CGRRF1: variants seen among roughly 807,000 people sequenced by gnomAD.
CGRRF1 encodes cell growth regulator with ring finger domain 1, also known as cell growth regulator with RING finger domain protein 1.
Under a neutral mutation model 37.2 loss-of-function variants are expected in CGRRF1, and 32 were observed. That is an observed-to-expected ratio of 0.86 (90% confidence interval 0.65 to 1.16). The LOEUF is 1.16. Among genes scored for constraint, CGRRF1 ranks in the 50% most tolerant of loss-of-function variants. The probability of loss-of-function intolerance (pLI) is 0.00; values close to 1 mark genes in which losing one functional copy is unlikely to be tolerated. For missense variants in CGRRF1, 391 were observed against 382.6 expected, an observed-to-expected ratio of 1.02 and a Z score of -0.18; for synonymous variants, 141 against 140.3, an observed-to-expected ratio of 1.00 and a Z score of -0.04.
chr14:54,533,069 G>A (rs1267458753), intron 4 of CGRRF1, among the ~76,000 whole-genome samples: 1 of 151,042 alleles, frequency 6.6e-6, no homozygotes, highest in Non-Finnish European at 1.5e-5. Flanking sequence ...TCCCTTCACT[G>A]ATAGTGCTCT....
At position 54,538,534 on chromosome 14, in the gene CGRRF1, T is replaced by G. The variant is rs1344288984; in HGVS notation, c.*151T>G. The G allele has an allele frequency of 1.9e-6, 1 of 527,544 alleles. No individual in the cohort carries two copies. The highest frequency in any genetic ancestry group is 3.2e-6 in the Non-Finnish European group (1 of 309,934). The allele number at this position is 527,544 out of a possible 1,614,324, so 32.7% of individuals were successfully genotyped here. A position where few individuals can be genotyped will look rare whatever the true frequency, so the allele number is the denominator to read the frequency against. On this transcript the variant is annotated 3_prime_UTR_variant, in exon 6 of 6. Transcript: ENST00000216420. Reference sequence around the variant, plus strand: ...TGTATGGTACTTGGATGATAAAAATTAATTATTCCTTTCTGCTTAGTGAAT... The same window carrying G: ...TGTATGGTACTTGGATGATAAAAATGAATTATTCCTTTCTGCTTAGTGAAT...
intron 2 of CGRRF1, among the ~76,000 whole-genome samples, chr14:54,523,861 T>C (rs1029068784): frequency 2.6e-5 from 4 of 152,240 alleles, no homozygotes; most frequent in African/African-American, 9.6e-5. Flanking sequence ...TGTAGCTTTT[T>C]TTCTGGGCCG....
intron 1 of CGRRF1, among the ~76,000 whole-genome samples, chr14:54,515,146 TG>T (rs2032194537): frequency 6.7e-6 from 1 of 148,244 alleles, no homozygotes; most frequent in Non-Finnish European, 1.5e-5. Flanking sequence ...TGGAGTGCAG[TG>T]GTATGATCTC....
intron 4 of CGRRF1, among the ~76,000 whole-genome samples, chr14:54,533,515 G>A (rs1485993420): frequency 6.6e-6 from 1 of 151,920 alleles, no homozygotes; most frequent in Non-Finnish European, 1.5e-5. Flanking sequence ...ATTTATTAGT[G>A]TATTTTGTAT....
intron 2 of CGRRF1, among the ~76,000 whole-genome samples, chr14:54,523,882 C>T (rs1229407714): frequency 6.6e-6 from 1 of 152,152 alleles, no homozygotes. Context: ...AGACCCTGTC[C>T]CTTCTATACT....
At chr14:54,527,429 TGTGCACA>T (rs1346096770) in intron 2 of CGRRF1, among the ~76,000 whole-genome samples, 1 of 152,120 alleles carries the variant, frequency 6.6e-6, no homozygotes, top group African/African-American at 2.4e-5. Context: ...ACCTGCACAT[TGTGCACA>T]TGTACCCTAA....
chr14:54,510,549 A>G (rs2032112759), intron 1 of CGRRF1, among the ~76,000 whole-genome samples: 1 of 152,188 alleles, frequency 6.6e-6, no homozygotes, highest in Non-Finnish European at 1.5e-5. Flanking sequence ...GTAACTTGTA[A>G]CTGAACTGTT....
intron 2 of CGRRF1, among the ~76,000 whole-genome samples, chr14:54,524,187 T>A (rs1327856763): frequency 6.6e-6 from 1 of 152,108 alleles, no homozygotes; most frequent in African/African-American, 2.4e-5. Context: ...CAGGGCTGAG[T>A]TAATGCTCTC....
chr14:54,513,607 TTA>T (rs1566506175), intron 1 of CGRRF1, among the ~76,000 whole-genome samples: 2 of 151,168 alleles, frequency 1.3e-5, no homozygotes, highest in Non-Finnish European at 2.9e-5. Flanking sequence ...TTATGTTATG[TTA>T]TGTTATGTAA....
intron 1 of CGRRF1, among the ~76,000 whole-genome samples, chr14:54,519,677 T>G (rs1566508017): frequency 6.6e-6 from 1 of 152,244 alleles, no homozygotes; most frequent in Non-Finnish European, 1.5e-5. Context: ...GTCTCCTTAG[T>G]ACATGAAGGC....
At chr14:54,534,603 A>G (rs1361699797) in intron 4 of CGRRF1, among the ~76,000 whole-genome samples, 1 of 152,204 alleles carries the variant, frequency 6.6e-6, no homozygotes, top group Admixed American at 6.5e-5. Flanking sequence ...ATAATTTCAA[A>G]AAGTTGCAAA....
Position 54,538,143 on chromosome 14 carries a change from G to A in CGRRF1, c.759G>A (p.Leu253=), listed in dbSNP as rs371708922. The change falls in exon 6 of 6, where the codon TTG becomes TTA. Residue 253 remains leucine, a synonymous_variant. Transcript: ENST00000216420. ...AAGAAAAAAACACAGACAGAAGTTT[G>A]TTGGAAAAGGTGGGACTCTCTGAAA... The part of the protein sequence containing the change: ...SSEEKNTDRS[L]LEKVGLSESE... The A allele has an allele frequency of 6.1e-5, 99 of 1,614,136 alleles. No homozygotes were observed. In the African/African-American group the frequency reaches 1.1e-3, roughly 18 times the overall value.
intron 2 of CGRRF1, among the ~76,000 whole-genome samples, chr14:54,528,971 T>C (rs1468006789): frequency 6.6e-6 from 1 of 152,178 alleles, no homozygotes; most frequent in East Asian, 1.9e-4. Flanking sequence ...TAACATATAC[T>C]CTTGATCACA....
chr14:54,529,928 G>A, intron 2 of CGRRF1, 121 bp from the exon 3 acceptor site: 1 of 697,494 alleles, frequency 1.4e-6, no homozygotes. Context: ...CCTTTAACAA[G>A]TTCTTTTAAC....
chr14:54,512,288 A>G (rs1050698426), intron 1 of CGRRF1, among the ~76,000 whole-genome samples: 2 of 152,248 alleles, frequency 1.3e-5, no homozygotes, highest in Non-Finnish European at 2.9e-5. Flanking sequence ...GAGAAAAAAC[A>G]GGAGCATATG....
intron 4 of CGRRF1, among the ~76,000 whole-genome samples, chr14:54,533,239 A>G (rs920007693): frequency 2.6e-5 from 4 of 152,150 alleles, no homozygotes; most frequent in African/African-American, 9.7e-5. Context: ...CTTTTAGGCC[A>G]GAGAAGAGTT....
At chr14:54,515,892 G>T (rs1348944229) in intron 1 of CGRRF1, among the ~76,000 whole-genome samples, 1 of 152,026 alleles carries the variant, frequency 6.6e-6, no homozygotes, top group Non-Finnish European at 1.5e-5. Flanking sequence ...TTTAACTAGG[G>T]AGTTTAAAAC....
intron 1 of CGRRF1, among the ~76,000 whole-genome samples, chr14:54,511,324 G>A (rs2032127108): frequency 6.6e-6 from 1 of 152,068 alleles, no homozygotes; most frequent in Admixed American, 6.5e-5. Context: ...CCTTATTTGT[G>A]GGGGTAAGAT....
chr14:54,527,000 G>A (rs2032421743), intron 2 of CGRRF1, among the ~76,000 whole-genome samples: 1 of 151,512 alleles, frequency 6.6e-6, no homozygotes, highest in South Asian at 2.1e-4. Flanking sequence ...TCACTTTTTT[G>A]CAAGGCTGTC....
Sources: allele counts gnomAD v4.1 joint callset (sites outside exome capture counted in the v4.1 genomes callset), GRCh38; gene constraint gnomAD v4.1.1; transcripts MANE v1.5; gene names NCBI Gene and HGNC (gene_info 2026-07-23, HGNC 2026-07-21).